The following CDH18 variants were observed in gnomAD, a reference collection of about 807,000 sequenced individuals.
The protein encoded by CDH18 is cadherin 18.
Under a neutral mutation model 67.9 loss-of-function variants are expected in CDH18, and 31 were observed. That is an observed-to-expected ratio of 0.46 (90% CI 0.34 to 0.62). The LOEUF is 0.62. Ranked by LOEUF, CDH18 falls within the 20% of genes least tolerant of loss-of-function variation. The pLI, the probability that CDH18 is intolerant of heterozygous loss-of-function variation, is 0.01. For synonymous variants in CDH18, 362 were observed against 347.2 expected (o/e 1.04, Z -0.48); for missense variants, 890 against 975.5 (o/e 0.91, Z 1.17).
intron 1 of CDH18, among the ~76,000 whole-genome samples, chr5:20,264,964 A>T (rs1744920901): frequency 6.6e-6 from 1 of 152,124 alleles, no homozygotes; most frequent in African/African-American, 2.4e-5. Context: ...AGATTTAAGG[A>T]AAAGAAAAAT....
chr5:20,185,534 C>T (rs1306893113), intron 2 of CDH18, among the ~76,000 whole-genome samples: 1 of 151,916 alleles, frequency 6.6e-6, no homozygotes, highest in African/African-American at 2.4e-5. Flanking sequence ...TAAAGCAAAC[C>T]CAAGCCTGTT....
intron 2 of CDH18, among the ~76,000 whole-genome samples, chr5:19,965,751 G>A (rs1029161276): frequency 1.3e-5 from 2 of 148,400 alleles, no homozygotes; most frequent in African/African-American, 5.3e-5. Context: ...CAGGTAGAAA[G>A]AGAGAGGCGG....
At chr5:20,030,884 G>C (rs370615756) in intron 2 of CDH18, among the ~76,000 whole-genome samples, 23 of 152,264 alleles carry the variant, frequency 1.5e-4, no homozygotes, top group African/African-American at 5.3e-4. Context: ...TGATGAGGCT[G>C]AACTAATATA....
chr5:19,979,083 T>C (rs1798774224), intron 2 of CDH18, among the ~76,000 whole-genome samples: 1 of 152,132 alleles, frequency 6.6e-6, no homozygotes, highest in Non-Finnish European at 1.5e-5. Context: ...CTTCACTTAG[T>C]TTATCTTAGA....
chr5:20,205,997 T>G (rs1397652443), intron 2 of CDH18, among the ~76,000 whole-genome samples: 1 of 151,552 alleles, frequency 6.6e-6, no homozygotes. Context: ...TAATAAAGAT[T>G]AGAGCAGAGA....
chr5:20,561,393 T>C (rs568727654), intron 1 of CDH18, among the ~76,000 whole-genome samples: 6 of 152,212 alleles, frequency 3.9e-5, no homozygotes, highest in Admixed American at 3.9e-4. Flanking sequence ...TAAGTTGTGC[T>C]GCATGAGGAC....
intron 2 of CDH18, among the ~76,000 whole-genome samples, chr5:20,121,873 C>T (rs1269975714): frequency 6.6e-6 from 1 of 152,108 alleles, no homozygotes; most frequent in Admixed American, 6.6e-5. Context: ...CAAAACAAGA[C>T]CACAAAAACG....
At chr5:20,305,691 C>A in intron 1 of CDH18, 1 of 438,066 alleles carries the variant, frequency 2.3e-6, no homozygotes, top group Non-Finnish European at 4.2e-6. Flanking sequence ...CTGTGTTCGG[C>A]AGCGAGGCGG....
At chr5:19,545,650 C>T (rs993844056) in intron 8 of CDH18, among the ~76,000 whole-genome samples, 32 of 152,160 alleles carry the variant, frequency 2.1e-4, no homozygotes, top group African/African-American at 7.7e-4. Flanking sequence ...TCACAGGTGA[C>T]TCCATTTCCA....
intron 2 of CDH18, among the ~76,000 whole-genome samples, chr5:20,159,999 T>A (rs183060743): frequency 4.6e-5 from 7 of 152,214 alleles, no homozygotes; most frequent in African/African-American, 1.7e-4. Context: ...CACAAAAAAA[T>A]TTTTGCTATG....
chr5:20,021,970 C>T (rs566217179), intron 2 of CDH18, among the ~76,000 whole-genome samples: 106 of 152,298 alleles, frequency 7.0e-4, no homozygotes, highest in African/African-American at 2.5e-3. Flanking sequence ...TTTTAGCCCC[C>T]AGAAAATAAC....
chr5:19,747,428 A>G (rs1770179442), intron 3 of CDH18, among the ~76,000 whole-genome samples, 192 bp from the exon 4 acceptor site: 1 of 150,692 alleles, frequency 6.6e-6, no homozygotes, highest in African/African-American at 2.4e-5. Flanking sequence ...GGATATTGCT[A>G]TCATGGTTTG....
intron 12 of CDH18, among the ~76,000 whole-genome samples, chr5:19,476,255 G>T (rs1445637503): frequency 1.3e-5 from 2 of 151,952 alleles, no homozygotes; most frequent in Non-Finnish European, 2.9e-5. Context: ...ATTCAATGAG[G>T]GTCACTACAG....
At chr5:19,966,982 A>G (rs1477106475) in intron 2 of CDH18, among the ~76,000 whole-genome samples, 1 of 152,078 alleles carries the variant, frequency 6.6e-6, no homozygotes, top group Non-Finnish European at 1.5e-5. Context: ...ATTAAAATTT[A>G]TAGCACATCC....
intron 5 of CDH18, among the ~76,000 whole-genome samples, chr5:19,620,563 G>A (rs2150139217): frequency 6.6e-6 from 1 of 152,144 alleles, no homozygotes; most frequent in Non-Finnish European, 1.5e-5. Flanking sequence ...GAATAAGGAG[G>A]AAATGAAGAA....
chr5:19,519,882 G>A (rs898241190), intron 10 of CDH18, among the ~76,000 whole-genome samples: 15 of 152,024 alleles, frequency 9.9e-5, no homozygotes, highest in Admixed American at 7.9e-4. Context: ...CCTGAGCCTC[G>A]GGCGAGAAAA....
intron 11 of CDH18, among the ~76,000 whole-genome samples, chr5:19,496,667 C>A (rs1742378752): frequency 6.6e-6 from 1 of 152,016 alleles, no homozygotes; most frequent in Non-Finnish European, 1.5e-5. Flanking sequence ...CAAAAATTAG[C>A]CAGGTGTGGT....
At chr5:20,329,951 GATTA>G (rs1279065166) in intron 1 of CDH18, among the ~76,000 whole-genome samples, 5 of 151,778 alleles carry the variant, frequency 3.3e-5, no homozygotes, top group Non-Finnish European at 7.4e-5. Context: ...TATTTTCTAA[GATTA>G]ATTACATTTT....
chr5:20,441,102 A>C (rs1326015960), intron 1 of CDH18, among the ~76,000 whole-genome samples: 1 of 151,800 alleles, frequency 6.6e-6, no homozygotes, highest in African/African-American at 2.4e-5. Context: ...CAAGATAAAA[A>C]TAGGGGCCGC....
Sources: gnomAD v4.1 joint callset for allele counts (sites outside exome capture counted in the v4.1 genomes callset) on GRCh38, gnomAD v4.1.1 for gene constraint, MANE v1.5 for transcripts, NCBI Gene and HGNC (gene_info 2026-07-23, HGNC 2026-07-21) for gene names.